The following HIRA variants were observed in gnomAD, a reference collection of about 807,000 sequenced individuals.
HIRA encodes the protein histone cell cycle regulator.
HIRA carries 13 observed loss-of-function variants against 126.6 expected under a neutral mutation model. The observed-to-expected ratio is 0.10, with a 90% confidence interval of 0.07 to 0.16. The LOEUF (loss-of-function observed/expected upper bound fraction) is 0.16. Ranked by LOEUF, HIRA falls within the 10% of genes least tolerant of loss-of-function variation. HIRA has a pLI of 1.00. For synonymous variants in HIRA, 511 were observed against 520.0 expected, an observed-to-expected ratio of 0.98 and a Z score of 0.24; for missense variants, 834 against 1,314.4, an observed-to-expected ratio of 0.63 and a Z score of 5.65.
At chr22:19,370,763 A>G (rs986398558) in intron 15 of HIRA, among the ~76,000 whole-genome samples, 1 of 152,230 alleles carries the variant, frequency 6.6e-6, no homozygotes, top group African/African-American at 2.4e-5. Flanking sequence ...CTGGCTGGAA[A>G]GCAGGAAGCT....
intron 23 of HIRA, 21 bp downstream of exon 23, chr22:19,353,335 C>T (rs1556011433): frequency 1.4e-5 from 23 of 1,612,120 alleles, no homozygotes; most frequent in Non-Finnish European, 1.9e-5. Context: ...GAAGGCTGCT[C>T]AGGGCTGCCA....
At chr22:19,368,177 G>C (rs767807038) in intron 15 of HIRA, among the ~76,000 whole-genome samples, 4 of 152,158 alleles carry the variant, frequency 2.6e-5, no homozygotes, top group Non-Finnish European at 4.4e-5. Flanking sequence ...GTCTTCAGCT[G>C]TTTTCCCTGC....
chr22:19,332,431 C>CA (rs1340713008), intron 24 of HIRA, among the ~76,000 whole-genome samples: 1 of 152,218 alleles, frequency 6.6e-6, no homozygotes, highest in Non-Finnish European at 1.5e-5. Flanking sequence ...GCTCTGACAC[C>CA]AGAGTGCCAT....
At chr22:19,430,324 A>G (rs2089521687) in intron 1 of HIRA, 1 of 152,362 alleles carries the variant, frequency 6.6e-6, no homozygotes, top group South Asian at 2.1e-4. Context: ...AATGGGAAAG[A>G]TGTCACACAA....
intron 1 of HIRA, among the ~76,000 whole-genome samples, chr22:19,411,471 GAGCTTGAAAC>G (rs2089351923): frequency 6.6e-6 from 1 of 152,172 alleles, no homozygotes; most frequent in Non-Finnish European, 1.5e-5. Context: ...AGCACTGTAG[GAGCTTGAAAC>G]CCAGCAGACC....
At chr22:19,424,217 T>C (rs1281936831) in intron 1 of HIRA, among the ~76,000 whole-genome samples, 1 of 152,166 alleles carries the variant, frequency 6.6e-6, no homozygotes, top group Non-Finnish European at 1.5e-5. Context: ...CTAATAGAAC[T>C]CCAGTTTTAT....
intron 15 of HIRA, among the ~76,000 whole-genome samples, chr22:19,369,706 C>A (rs188069186): frequency 1.8e-4 from 27 of 152,244 alleles, no homozygotes; most frequent in African/African-American, 6.5e-4. Context: ...CCGAGGTGGG[C>A]GCATCACTTG....
intron 24 of HIRA, among the ~76,000 whole-genome samples, chr22:19,336,492 C>A (rs1268900011): frequency 1.3e-5 from 2 of 152,242 alleles, no homozygotes; most frequent in African/African-American, 4.8e-5. Flanking sequence ...AGAAAAACAA[C>A]AGCTAATTCC....
At chr22:19,364,393 G>A (rs866733728) in intron 15 of HIRA, among the ~76,000 whole-genome samples, 28 of 152,126 alleles carry the variant, frequency 1.8e-4, no homozygotes, top group Admixed American at 1.5e-3. Context: ...ACTGTGCTTC[G>A]CAGAGACTAT....
At chr22:19,403,711 T>G (rs957028042) in intron 5 of HIRA, among the ~76,000 whole-genome samples, 1 of 152,236 alleles carries the variant, frequency 6.6e-6, no homozygotes, top group African/African-American at 2.4e-5. Flanking sequence ...ATTCTATGCT[T>G]TTGTTACATT....
Position 19,385,627 on chromosome 22 carries a change from T to C in HIRA, c.1223A>G (p.Gln408Arg). ...CTTCTGGTCCAGCTGCTGCTGCTGC[T>C]GCCTTCGCTGGTACTTGAGCATCTC... Reference protein sequence around the residue: ...NPEMLKYQRRQQQQQLDQKSA... With the variant: ...NPEMLKYQRRRQQQQLDQKSA... Residue 408 changes from glutamine to arginine, a missense_variant, in exon 12 of 25, where the codon CAG becomes CGG. Physicochemically the swap from Gln to Arg is conservative, Grantham distance 43 (BLOSUM62 1). Transcript: ENST00000263208. 3.7e-6 allele frequency: 6 copies of C among 1,614,186 alleles called. No homozygotes were observed. The highest frequency in any genetic ancestry group is 5.1e-6 in the Non-Finnish European group (6 of 1,180,028).
chr22:19,331,487 G>A lies in HIRA; in HGVS notation c.3007C>T (p.Leu1003Phe). ...VIGQNLRFQR[L>F]FTECQEQLDI... ...AGCTGTTCCTGACACTCGGTGAAGA[G>A]GCGCTGGAATCGGAGGTTCTGCCCG... is the stretch of plus-strand genomic sequence containing the variant. Residue 1003 changes from leucine (L) to phenylalanine (F), a missense_variant, in exon 25 of 25, where the codon CTC (leucine) becomes TTC (phenylalanine). Leu to Phe is a conservative substitution (Grantham distance 22). Transcript: ENST00000263208. 6.2e-7 allele frequency: 1 copy of A among 1,614,018 alleles called. No individual in the cohort carries two copies. Among genetic ancestry groups the A allele is most frequent in the Non-Finnish European group, 8.5e-7 (1 of 1,179,898 alleles).
At chr22:19,350,411 C>T (rs1273169772) in intron 24 of HIRA, among the ~76,000 whole-genome samples, 1 of 152,200 alleles carries the variant, frequency 6.6e-6, no homozygotes, top group African/African-American at 2.4e-5. Flanking sequence ...CCCCCACCAA[C>T]CTGTTACCTT....
At chr22:19,375,500 C>T in intron 15 of HIRA, 131 bp downstream of exon 15, 1 of 910,158 alleles carries the variant, frequency 1.1e-6, no homozygotes, top group Non-Finnish European at 1.7e-6. Context: ...CAGTCTTGCT[C>T]CCATGTATTG....
chr22:19,422,713 C>A (rs956553273), intron 1 of HIRA, among the ~76,000 whole-genome samples: 1 of 152,168 alleles, frequency 6.6e-6, no homozygotes, highest in African/African-American at 2.4e-5. Flanking sequence ...ATGAGGCCTG[C>A]AGCGAATGCT....
intron 15 of HIRA, among the ~76,000 whole-genome samples, chr22:19,369,299 G>A (rs1407908524): frequency 6.6e-6 from 1 of 152,110 alleles, no homozygotes; most frequent in Non-Finnish European, 1.5e-5. Flanking sequence ...ATCCACCTGA[G>A]GCTCTTGGCT....
intron 7 of HIRA, among the ~76,000 whole-genome samples, chr22:19,396,318 C>G (rs547041731): frequency 2.3e-4 from 35 of 152,162 alleles, no homozygotes; most frequent in Non-Finnish European, 4.7e-4. Context: ...GAGTTCGAGA[C>G]CAGCCTGGCC....
At position 19,355,740 on chromosome 22, in the gene HIRA, C is replaced by G; in HGVS notation, c.2561+20G>C. 6.4e-7 allele frequency: 1 copy of G among 1,555,882 alleles called. No individual in the cohort carries two copies. Among genetic ancestry groups the G allele is most frequent in the Non-Finnish European group, 8.9e-7 (1 of 1,127,548 alleles). On this transcript the variant is annotated intron_variant, in intron 21 of 24. Transcript: ENST00000263208. Reference sequence around the variant, plus strand: ...ACAGACACTCTTCCAGGGAATAGGACTGGGGGTCAGCTTGCTTACCATGTG... The same window carrying G: ...ACAGACACTCTTCCAGGGAATAGGAGTGGGGGTCAGCTTGCTTACCATGTG...
intron 1 of HIRA, among the ~76,000 whole-genome samples, chr22:19,429,204 C>T (rs1601867684): frequency 1.7e-5 from 2 of 121,098 alleles, no homozygotes; most frequent in South Asian, 2.7e-4. Flanking sequence ...GTGGCGCGAT[C>T]TCGGCTCACT....
Sources: gnomAD v4.1 joint callset for allele counts (sites outside exome capture counted in the v4.1 genomes callset) on GRCh38, gnomAD v4.1.1 for gene constraint, MANE v1.5 for transcripts, NCBI Gene and HGNC (gene_info 2026-07-23, HGNC 2026-07-21) for gene names.